The following PCDHGA12 variants were observed in gnomAD, a reference collection of about 807,000 sequenced individuals.
PCDHGA12 encodes protocadherin gamma subfamily A, 12, also known as protocadherin gamma-A12.
A neutral mutation model predicts 61.1 loss-of-function variants in PCDHGA12; 43 were observed. The ratio of observed to expected loss-of-function variants is 0.70; its 90% CI spans 0.55 to 0.91. The LOEUF is 0.91. Among genes scored for constraint, PCDHGA12 ranks in the 40% least tolerant of loss-of-function variants. The probability of loss-of-function intolerance (pLI) is 0.00; values close to 1 mark genes in which losing one functional copy is unlikely to be tolerated. For synonymous variants in PCDHGA12, 520 were observed against 542.9 expected, an observed-to-expected ratio of 0.96 and a Z score of 0.59; for missense variants, 1,236 against 1,227.7, an observed-to-expected ratio of 1.01 and a Z score of -0.10.
intron 2 of PCDHGA12, among the ~76,000 whole-genome samples, chr5:141,504,799 C>A (rs1474096570): frequency 6.6e-6 from 1 of 151,994 alleles, no homozygotes; most frequent in African/African-American, 2.4e-5. Context: ...CCTACATCTC[C>A]CCCTAGGTAC....
chr5:141,432,561 A>C lies in PCDHGA12; in HGVS notation c.1802A>C (p.Asn601Thr), dbSNP rs746684751. The change falls in exon 1 of 4, where the codon AAC becomes ACC. Residue 601 changes from asparagine (N) to threonine (T), a missense_variant. Transcript: ENST00000252085. This position sits in a 1 kb window ranked among gnomAD's most constrained non-coding sequence, Gnocchi z 6.0. Reference sequence around the variant, plus strand: ...GCGGTGGACAGAGACTCCGGCCAGAACGCCTGGCTGTCCTACCGTCTGCTC... The same window carrying C: ...GCGGTGGACAGAGACTCCGGCCAGACCGCCTGGCTGTCCTACCGTCTGCTC... ...VVAVDRDSGQ[N>T]AWLSYRLLKA... 37 of 1,613,308 alleles carry C rather than the reference A, an allele frequency of 2.3e-5. 1 individual carries two copies. The highest frequency in any genetic ancestry group is 2.7e-5 in the African/African-American group (2 of 74,712).
intron 1 of PCDHGA12, chr5:141,478,670 C>G: frequency 6.4e-7 from 1 of 1,551,664 alleles, no homozygotes; most frequent in East Asian, 2.4e-5. Flanking sequence ...TTCACACTTT[C>G]AACTGGCCCT....
intron 1 of PCDHGA12, chr5:141,478,531 C>T (rs771145308): frequency 1.9e-6 from 3 of 1,608,190 alleles, no homozygotes; most frequent in Non-Finnish European, 2.5e-6. Flanking sequence ...GTGCAGAGAG[C>T]GCCCCTCCCG....
chr5:141,432,133 C>G lies in PCDHGA12; in HGVS notation c.1374C>G (p.Ser458=). The part of the protein sequence containing the change: ...NPPVFPQASY[S]AYIPENNPRG... ...CGGTCTTCCCTCAGGCCTCCTATTC[C>G]GCTTATATCCCAGAGAACAATCCCA... The change falls in exon 1 of 4, where the codon TCC becomes TCG. Residue 458 remains serine, a synonymous_variant. Transcript: ENST00000252085. The surrounding 1 kb of genome is among the most constrained non-coding windows in gnomAD (Gnocchi z 6.0). 1 of 1,614,142 alleles carries G rather than the reference C, an allele frequency of 6.2e-7. No homozygotes were observed. The highest frequency in any genetic ancestry group is 1.1e-5 in the South Asian group (1 of 91,070).
chr5:141,437,444 G>A (rs957088733), intron 1 of PCDHGA12, among the ~76,000 whole-genome samples: 26 of 152,212 alleles, frequency 1.7e-4, no homozygotes, highest in Admixed American at 2.0e-4. Context: ...GCATAGGAAT[G>A]TTGAGGAGAC....
Position 141,491,166 on chromosome 5 carries a change from G to A in PCDHGA12, c.2425-3641G>A. 1 of 1,614,150 alleles carries A rather than the reference G, an allele frequency of 6.2e-7. No individual in the cohort carries two copies. The highest frequency in any genetic ancestry group is 8.5e-7 in the Non-Finnish European group (1 of 1,179,964). ...TACTGGAGGATGACTCTGACACCCA[G>A]CAGGTGGTGGTCCTGGTGAGGGACA... On this transcript the variant is annotated intron_variant, in intron 1 of 3. Transcript: ENST00000252085. The surrounding 1 kb of genome is among the most constrained non-coding windows in gnomAD (Gnocchi z 6.9).
rs1031624761 is a variant in PCDHGA12 at position 141,433,138 on chromosome 5, G to A, written c.2379G>A (p.Leu793=). The A allele has an allele frequency of 2.5e-6, 4 of 1,614,038 alleles. No individual in the cohort carries two copies. In the Admixed American group the frequency reaches 6.7e-5, roughly 27 times the overall value. The change falls in exon 1 of 4, where the codon CTG becomes CTA. Residue 793 remains leucine, a synonymous_variant. Coordinates refer to ENST00000252085, the MANE Select transcript of PCDHGA12 (RefSeq NM_003735.3). The part of the protein sequence containing the change: ...ESFEKSEPLL[L]SGDSVFSKDS... ...TTGAAAAAAGCGAGCCCCTTTTGCT[G>A]TCAGGTGATTCGGTATTTTCTAAAG...
rs115262984 is a variant in PCDHGA12 at position 141,463,089 on chromosome 5, C to T, written c.2424+29906C>T. ...AATGAAATTCAAACATTTTCCAGCC[C>T]TATGTGACCATCAAGAATTCAGCTA... On this transcript the variant is annotated intron_variant, in intron 1 of 3. Coordinates refer to ENST00000252085, the MANE Select transcript of PCDHGA12 (RefSeq NM_003735.3). Among the ~76,000 whole-genome samples the T allele has an allele frequency of 2.5e-3, 374 of 152,264 alleles. 2 individuals are homozygous for T. Among genetic ancestry groups the T allele is most frequent in the African/African-American group, 8.7e-3 (360 of 41,552 alleles).
In PCDHGA12 at chr5:141,454,796, ATTTTT is replaced by A. The variant is rs61612330; in HGVS notation, c.2424+21638_2424+21642del. Among the ~76,000 whole-genome samples the A allele has an allele frequency of 4.9e-3, 378 of 77,354 alleles. 2 individuals carry two copies. Among genetic ancestry groups the A allele is most frequent in the Admixed American group, 9.2e-3 (51 of 5,544 alleles). 50.7% of individuals were successfully genotyped at this position (77,354 alleles called of 152,430 possible). On this transcript the variant is annotated intron_variant, in intron 1 of 3. Coordinates refer to ENST00000252085, the MANE Select transcript of PCDHGA12 (RefSeq NM_003735.3). ...AAGGAAATAATCCTCCATGGTTCTA[ATTTTT>A]TTTTTTTTTTTTTTTTTTTTTTTTG...
At chr5:141,492,240 C>T (rs1031016944) in intron 1 of PCDHGA12, among the ~76,000 whole-genome samples, 1 of 152,242 alleles carries the variant, frequency 6.6e-6, no homozygotes, top group African/African-American at 2.4e-5. Flanking sequence ...CTGCTGGCCA[C>T]CCCCACGGCC....
At chr5:141,507,171 C>T (rs183042063) in intron 3 of PCDHGA12, 3 of 152,462 alleles carry the variant, frequency 2.0e-5, no homozygotes, top group South Asian at 2.1e-4. Context: ...AGGCTGTCCT[C>T]TTCCTCGAGC....
intron 2 of PCDHGA12, among the ~76,000 whole-genome samples, chr5:141,496,116 C>G (rs1435887981): frequency 6.6e-6 from 1 of 152,178 alleles, no homozygotes; most frequent in Middle Eastern, 3.4e-3. Flanking sequence ...TCTCTTCCTT[C>G]CCTGCCCCTC....
chr5:141,432,659 G>A lies in PCDHGA12; in HGVS notation c.1900G>A (p.Asp634Asn). Residue 634 changes from aspartate (D) to asparagine (N), a missense_variant, in exon 1 of 4, where the codon GAC (aspartate) becomes AAC (asparagine). Coordinates refer to ENST00000252085, the MANE Select transcript of PCDHGA12 (RefSeq NM_003735.3). This position sits in a 1 kb window ranked among gnomAD's most constrained non-coding sequence, Gnocchi z 6.0. ...GGTGCGCACGGCGCGAGCCCTGCTG[G>A]ACAGAGACGCGCTCAAGCAGAGCCT... Reference protein sequence around the residue: ...GEVRTARALLDRDALKQSLVV... With the variant: ...GEVRTARALLNRDALKQSLVV... 1 of 1,613,884 alleles carries A rather than the reference G, an allele frequency of 6.2e-7. No homozygotes were observed. The highest frequency in any genetic ancestry group is 8.5e-7 in the Non-Finnish European group (1 of 1,179,956).
rs373775073 is a variant in PCDHGA12, at chr5:141,430,902, T to C, written c.143T>C (p.Ile48Thr). The C allele has an allele frequency of 2.5e-6, 4 of 1,606,232 alleles. No individual in the cohort carries two copies. Among genetic ancestry groups the C allele is most frequent in the Admixed American group, 3.4e-5 (2 of 58,322 alleles). ...ELEKGSRVGD[I>T]SRDLGLEPRE... ...GAGAAAGGCTCTAGGGTGGGCGACA[T>C]CTCCAGGGACCTGGGGCTGGAGCCC... Residue 48 changes from isoleucine (I) to threonine (T), a missense_variant, in exon 1 of 4, where the codon ATC (isoleucine) becomes ACC (threonine). Ile to Thr is a moderately conservative substitution (Grantham distance 89, BLOSUM62 -1). Transcript: ENST00000252085.
At chr5:141,479,685 G>A (rs749895405) in intron 1 of PCDHGA12, 3 of 152,248 alleles carry the variant, frequency 2.0e-5, no homozygotes, top group Non-Finnish European at 4.4e-5. Flanking sequence ...AGTCTTTTTG[G>A]TGCCTCCAGT....
chr5:141,454,894 G>A (rs1371368633), intron 1 of PCDHGA12, among the ~76,000 whole-genome samples: 2 of 126,736 alleles, frequency 1.6e-5, no homozygotes, highest in Non-Finnish European at 3.1e-5. Context: ...TGCTAGCACC[G>A]CCTCCCGGGT....
intron 2 of PCDHGA12, among the ~76,000 whole-genome samples, chr5:141,496,856 G>A (rs1324235700): frequency 6.7e-6 from 1 of 150,206 alleles, no homozygotes; most frequent in African/African-American, 2.5e-5. Context: ...CAGACCAGCA[G>A]AGGAGACTGA....
Position 141,489,140 on chromosome 5 carries a change from G to A in PCDHGA12, c.2425-5667G>A. ...CCTCCGAGCAGTTTTTAAGAGGCTG[G>A]AAGGAGACATAAGAGACTTCAGCTG... is the stretch of plus-strand genomic sequence containing the variant. On this transcript the variant is annotated intron_variant, in intron 1 of 3. Transcript: ENST00000252085. The surrounding 1 kb of genome is among the most constrained non-coding windows in gnomAD (Gnocchi z 4.5). The A allele has an allele frequency of 1.2e-6, 1 of 841,390 alleles. No individual in the cohort carries two copies. Among genetic ancestry groups the A allele is most frequent in the South Asian group, 2.1e-5 (1 of 47,082 alleles). The allele number at this position is 841,390 out of a possible 1,614,324, so 52.1% of individuals were successfully genotyped here.
In PCDHGA12 at chr5:141,487,460, G is replaced by T; in HGVS notation, c.2425-7347G>T. ...AGGGTCAGATGACCCTATCAAGTTT[G>T]TTGATGTGGGAGGCCACTCTCATGG... On this transcript the variant is annotated intron_variant, in intron 1 of 3. Transcript: ENST00000252085. The surrounding 1 kb of genome is among the most constrained non-coding windows in gnomAD (Gnocchi z 5.0). 1 of 1,614,170 alleles carries T rather than the reference G, an allele frequency of 6.2e-7. No individual in the cohort carries two copies. Among genetic ancestry groups the T allele is most frequent in the Non-Finnish European group, 8.5e-7 (1 of 1,180,024 alleles).
Sources: allele counts gnomAD v4.1 joint callset (sites outside exome capture counted in the v4.1 genomes callset), GRCh38; gene constraint gnomAD v4.1.1; non-coding constraint Gnocchi (gnomAD v3.1); transcripts MANE v1.5; gene names NCBI Gene and HGNC (gene_info 2026-07-23, HGNC 2026-07-21).